The following NCKAP5 variants were observed in gnomAD, a reference collection of about 807,000 sequenced individuals.
The protein encoded by NCKAP5 is nck-associated protein 5.
A neutral mutation model predicts 167.0 loss-of-function variants in NCKAP5; 92 were observed. The ratio of observed to expected loss-of-function variants is 0.55; its 90% CI spans 0.47 to 0.66. NCKAP5 has a LOEUF of 0.66. Among genes scored for constraint, NCKAP5 ranks in the 30% least tolerant of loss-of-function variants. The pLI is 0.00. For synonymous variants in NCKAP5, 891 were observed against 877.4 expected (o/e 1.02, Z -0.27); for missense variants, 2,378 against 2,315.0 (o/e 1.03, Z -0.56).
At chr2:133,567,705 G>A (rs1311700922) in intron 1 of NCKAP5, among the ~76,000 whole-genome samples, 1 of 148,272 alleles carries the variant, frequency 6.7e-6, no homozygotes, top group African/African-American at 2.5e-5. Context: ...GTGTGTTTGG[G>A]GAGAGAGTGT....
At chr2:132,928,673 G>A (rs1296003938) in intron 8 of NCKAP5, among the ~76,000 whole-genome samples, 1 of 152,082 alleles carries the variant, frequency 6.6e-6, no homozygotes, top group Non-Finnish European at 1.5e-5. Context: ...CCTCTGTAAG[G>A]CTTATACACG....
chr2:133,025,875 T>G (rs1226262759), intron 6 of NCKAP5, among the ~76,000 whole-genome samples: 2 of 152,232 alleles, frequency 1.3e-5, no homozygotes, highest in Non-Finnish European at 2.9e-5. Flanking sequence ...GCAGATTTGT[T>G]ACATAGGTAA....
At chr2:133,661,535 C>T in the NCKAP5 span, among the ~76,000 whole-genome samples, 1 of 152,214 alleles carries the variant, frequency 6.6e-6, no homozygotes, top group Admixed American at 6.5e-5. Flanking sequence ...GCAACAGCTA[C>T]ATCCTTCAGA....
chr2:132,692,150 TTTTA>T (rs1279305267), intron 19 of NCKAP5, among the ~76,000 whole-genome samples: 10 of 141,714 alleles, frequency 7.1e-5, no homozygotes, highest in African/African-American at 2.6e-4. Context: ...TTTTATTTTA[TTTTA>T]TTTTTTGAGA....
chr2:133,521,968 G>A (rs1414689038), intron 2 of NCKAP5, among the ~76,000 whole-genome samples: 1 of 152,178 alleles, frequency 6.6e-6, no homozygotes, highest in Non-Finnish European at 1.5e-5. Flanking sequence ...TGCTTGTTAT[G>A]TGACTGTTGG....
intron 5 of NCKAP5, among the ~76,000 whole-genome samples, chr2:133,149,598 TC>T (rs2083314107): frequency 6.6e-6 from 1 of 152,178 alleles, no homozygotes; most frequent in African/African-American, 2.4e-5. Flanking sequence ...AAATTTTTCT[TC>T]TACATATGTT....
chr2:132,962,691 C>T (rs2076551722), intron 8 of NCKAP5, among the ~76,000 whole-genome samples: 3 of 152,194 alleles, frequency 2.0e-5, no homozygotes, highest in East Asian at 1.9e-4. Context: ...CCCAGGTTCA[C>T]GCCATTCTCC....
At chr2:133,414,845 G>T (rs150939843) in intron 3 of NCKAP5, among the ~76,000 whole-genome samples, 1 of 152,158 alleles carries the variant, frequency 6.6e-6, no homozygotes, top group Non-Finnish European at 1.5e-5. Flanking sequence ...GTATTTTTAC[G>T]TATTCCTTAA....
At chr2:133,019,558 A>G (rs2149386893) in intron 6 of NCKAP5, among the ~76,000 whole-genome samples, 1 of 152,288 alleles carries the variant, frequency 6.6e-6, no homozygotes, top group East Asian at 1.9e-4. Flanking sequence ...TTTATCTCTG[A>G]ACTCTGATTA....
chr2:133,245,573 A>AC (rs1359438356), intron 4 of NCKAP5, among the ~76,000 whole-genome samples: 13 of 152,216 alleles, frequency 8.5e-5, no homozygotes, highest in African/African-American at 2.4e-4. Context: ...CTTTGTGAAA[A>AC]ACCAGTATAC....
intron 5 of NCKAP5, among the ~76,000 whole-genome samples, chr2:133,161,280 A>G (rs551585666): frequency 1.1e-4 from 17 of 152,216 alleles, no homozygotes; most frequent in South Asian, 8.3e-4. Flanking sequence ...CCGTTCCTCT[A>G]TGAGACTGGA....
At chr2:132,690,756 A>G (rs929620113) in intron 19 of NCKAP5, among the ~76,000 whole-genome samples, 1 of 152,172 alleles carries the variant, frequency 6.6e-6, no homozygotes, top group African/African-American at 2.4e-5. Context: ...AGCAGAAGGC[A>G]GAAGCCTGGA....
chr2:132,770,044 C>A (rs914214614), intron 16 of NCKAP5, among the ~76,000 whole-genome samples: 5 of 152,164 alleles, frequency 3.3e-5, no homozygotes, highest in African/African-American at 1.2e-4. Context: ...CACAAAACAA[C>A]CTTTTTGCCC....
chr2:133,315,969 T>C (rs539924616), intron 3 of NCKAP5, among the ~76,000 whole-genome samples: 73 of 152,290 alleles, frequency 4.8e-4, no homozygotes, highest in African/African-American at 1.7e-3. Flanking sequence ...CAAGAGACCA[T>C]GGGGCTACGG....
At position 132,783,311 on chromosome 2, in the gene NCKAP5, G is replaced by A. The variant is rs1280934168; in HGVS notation, c.3500C>T (p.Pro1167Leu). Residue 1167 changes from proline to leucine, a missense_variant, in exon 14 of 20, where the codon CCA becomes CTA. Pro to Leu is a moderately conservative substitution (Grantham distance 98). This residue lies in a region of NCKAP5 where 1,325 missense variants were observed against 1,274.5 expected (regional missense o/e 1.04). Transcript: ENST00000409261. ...TAAACTGTCTTTTTCATGTTTCCCT[G>A]GCACGGTGGAACTTTTCCTGAGCAG... ...PQLLRKSSTVPGKHEKDSLNE... is the reference protein window; with the variant it reads ...PQLLRKSSTVLGKHEKDSLNE... 6.2e-7 allele frequency: 1 copy of A among 1,613,866 alleles called. No homozygotes were observed. Among genetic ancestry groups the A allele is most frequent in the Admixed American group, 1.7e-5 (1 of 60,016 alleles).
At chr2:133,298,692 A>G (rs915860802) in intron 4 of NCKAP5, among the ~76,000 whole-genome samples, 15 of 152,190 alleles carry the variant, frequency 9.9e-5, no homozygotes, top group African/African-American at 3.1e-4. Flanking sequence ...TATTTTTTGT[A>G]AATTTTTCTT....
At chr2:133,097,050 C>T (rs771239147) in intron 6 of NCKAP5, among the ~76,000 whole-genome samples, 5 of 152,152 alleles carry the variant, frequency 3.3e-5, no homozygotes, top group East Asian at 1.9e-4. Context: ...ACATTGCCCA[C>T]GACATTTGGA....
At chr2:133,530,662 G>A (rs1438321553) in intron 2 of NCKAP5, among the ~76,000 whole-genome samples, 7 of 152,118 alleles carry the variant, frequency 4.6e-5, no homozygotes, top group Non-Finnish European at 8.8e-5. Flanking sequence ...TAAGGATGGT[G>A]CTCATTTCTC....
rs2077361976 is a variant in NCKAP5, at chr2:132,988,506, A to C, written c.429+5646T>G. Among the ~76,000 whole-genome samples, 2 of 149,410 alleles carry C rather than the reference A, an allele frequency of 1.3e-5. 1 individual carries two copies. The highest frequency in any genetic ancestry group is 4.3e-4 in the South Asian group (2 of 4,660). ...AAAGCCATCACTTACAGACTAAGAGATTTCCCATAAAACTTGAAATTGTAT... is the reference window on the plus strand; with the variant it reads ...AAAGCCATCACTTACAGACTAAGAGCTTTCCCATAAAACTTGAAATTGTAT... On this transcript the variant is annotated intron_variant, in intron 7 of 19. Coordinates refer to ENST00000409261, the MANE Select transcript of NCKAP5 (RefSeq NM_207363.3).
Sources: gnomAD v4.1 joint callset for allele counts (sites outside exome capture counted in the v4.1 genomes callset) on GRCh38, gnomAD v4.1.1 for gene constraint, gnomAD v4.1.1 regional missense constraint, MANE v1.5 for transcripts, NCBI Gene and HGNC (gene_info 2026-07-23, HGNC 2026-07-21) for gene names.